Variants in TDO2 observed in about 807,000 individuals in gnomAD.
The protein encoded by TDO2 is tryptamin 2,3-dioxygenase.
A neutral mutation model predicts 61.2 loss-of-function variants in TDO2; 63 were observed. That is an observed-to-expected ratio of 1.03 (90% confidence interval 0.84 to 1.27). The LOEUF (loss-of-function observed/expected upper bound fraction) is 1.27, where lower values mean the gene tolerates loss of function less well. TDO2 is among the 50% of genes most tolerant of loss of function. The pLI is 0.00. For missense variants in TDO2, 494 were observed against 469.5 expected, an observed-to-expected ratio of 1.05 and a Z score of -0.48; for synonymous variants, 183 against 164.0, an observed-to-expected ratio of 1.12 and a Z score of -0.89.
At chr4:155,917,521 C>T in intron 10 of TDO2, 47 bp downstream of exon 10, 1 of 1,500,842 alleles carries the variant, frequency 6.7e-7, no homozygotes, top group South Asian at 1.2e-5. Flanking sequence ...CATGCTGTTC[C>T]TGTGCTCTTT....
intron 2 of TDO2, 125 bp downstream of exon 2, chr4:155,904,248 A>G: frequency 3.0e-6 from 2 of 668,776 alleles, no homozygotes; most frequent in South Asian, 2.1e-5. Context: ...GGACCTAAGG[A>G]TATTTTTATT....
intron 7 of TDO2, among the ~76,000 whole-genome samples, chr4:155,913,644 A>G (rs958738425): frequency 6.6e-6 from 1 of 152,156 alleles, no homozygotes; most frequent in Non-Finnish European, 1.5e-5. Context: ...TCATCTTAGC[A>G]TGACATGTAT....
chr4:155,917,673 C>T lies in TDO2; in HGVS notation c.976+199C>T, dbSNP rs183106750. ...TTCATATACACACTAGGCACAGTAC[C>T]TAAGGCCCACAATACTTTTGGGGGC... On this transcript the variant is annotated intron_variant, in intron 10 of 11. Transcript: ENST00000536354. Among the ~76,000 whole-genome samples, 911 of 152,174 alleles carry T rather than the reference C, an allele frequency of 6.0e-3. 7 individuals carry two copies. The highest frequency in any genetic ancestry group is 0.021 in the African/African-American group (879 of 41,510).
chr4:155,903,822 T>G, intron 1 of TDO2, 29 bp downstream of exon 1: 1 of 1,613,678 alleles, frequency 6.2e-7, no homozygotes, highest in Non-Finnish European at 8.5e-7. Context: ...TCTAAGTGGG[T>G]TTTGGCTTTT....
intron 3 of TDO2, chr4:155,906,363 T>C (rs962750066): frequency 6.6e-6 from 1 of 152,188 alleles, no homozygotes; most frequent in Non-Finnish European, 1.5e-5. Context: ...GATCAATAAA[T>C]GTTTGATTGT....
intron 7 of TDO2, 90 bp downstream of exon 7, chr4:155,911,694 CTCTT>C: frequency 1.2e-6 from 1 of 810,366 alleles, no homozygotes; most frequent in African/African-American, 1.8e-5. Context: ...TTAACCTTTT[CTCTT>C]TCTCATATTT....
chr4:155,917,933 G>A (rs1742972669), intron 10 of TDO2, among the ~76,000 whole-genome samples: 1 of 152,158 alleles, frequency 6.6e-6, no homozygotes, highest in African/African-American at 2.4e-5. Context: ...TAAATGCAGC[G>A]AAGGATGGAG....
At chr4:155,903,827 G>T (rs780104976) in intron 1 of TDO2, 34 bp downstream of exon 1, 1 of 1,612,128 alleles carries the variant, frequency 6.2e-7, no homozygotes, top group Non-Finnish European at 8.5e-7. Flanking sequence ...GTGGGTTTTG[G>T]CTTTTAGAAG....
At chr4:155,914,983 G>T (rs1193315085) in intron 8 of TDO2, among the ~76,000 whole-genome samples, 2 of 152,138 alleles carry the variant, frequency 1.3e-5, no homozygotes, top group African/African-American at 4.8e-5. Flanking sequence ...GGCTTGGAAT[G>T]TTCCTGCCCT....
intron 7 of TDO2, among the ~76,000 whole-genome samples, chr4:155,913,208 C>T (rs1176202770): frequency 2.6e-5 from 4 of 152,080 alleles, no homozygotes; most frequent in Admixed American, 6.6e-5. Flanking sequence ...AATCTGATCA[C>T]ATCTCCCTTT....
rs1450575905 is a variant in TDO2 at position 155,917,453 on chromosome 4, T to C, written c.955T>C (p.Ser319Pro). The C allele has an allele frequency of 6.2e-7, 1 of 1,611,498 alleles. No individual in the cohort carries two copies. The highest frequency in any genetic ancestry group is 8.5e-7 in the Non-Finnish European group (1 of 1,178,922). ...GCTGACTTCTCTTATGGACATAGAT[T>C]CACTGATGACCAAATGGAGATGTAA... ...QLLTSLMDID[S>P]LMTKWRYNHV... Residue 319 changes from serine to proline, a missense_variant, in exon 10 of 12, where the codon TCA becomes CCA. Coordinates refer to ENST00000536354, the MANE Select transcript of TDO2 (RefSeq NM_005651.4).
chr4:155,916,359 G>T (rs1742936597), intron 9 of TDO2, among the ~76,000 whole-genome samples: 1 of 117,454 alleles, frequency 8.5e-6, no homozygotes, highest in Admixed American at 9.6e-5. Flanking sequence ...TAGTAGAGAC[G>T]GGGTTTCACC....
chr4:155,903,711 T>A lies in TDO2; in HGVS notation c.-48T>A, dbSNP rs757567915. On this transcript the variant is annotated 5_prime_UTR_variant, in exon 1 of 12. Coordinates refer to ENST00000536354, the MANE Select transcript of TDO2 (RefSeq NM_005651.4). ...ACATCTGGGAAGGTCAATGATAGCA[T>A]CTGCCTAGAGTCAAACCTCCGTGCT... 9.3e-6 allele frequency: 15 copies of A among 1,612,290 alleles called. No individual in the cohort carries two copies. Among genetic ancestry groups the A allele is most frequent in the Non-Finnish European group, 1.3e-5 (15 of 1,178,498 alleles).
intron 9 of TDO2, among the ~76,000 whole-genome samples, chr4:155,916,929 T>C (rs13148802): frequency 0.025 from 3,763 of 151,362 alleles, 74 homozygotes; most frequent in Middle Eastern, 0.034. Context: ...GAAAATATGC[T>C]GAGAAAGGTG....
chr4:155,915,375 C>T (rs889894705), intron 8 of TDO2, among the ~76,000 whole-genome samples: 3 of 152,072 alleles, frequency 2.0e-5, no homozygotes, highest in Admixed American at 1.3e-4. Flanking sequence ...AATCTTGTTT[C>T]GCTGCAGCAG....
chr4:155,917,702 T>A (rs1399049), intron 10 of TDO2, among the ~76,000 whole-genome samples: 1 of 152,194 alleles, frequency 6.6e-6, no homozygotes, highest in Non-Finnish European at 1.5e-5. Context: ...TGGGGGCTCA[T>A]GAAAATGTTT....
chr4:155,917,993 CTCA>C (rs1742973964), intron 10 of TDO2, among the ~76,000 whole-genome samples, 153 bp from the exon 11 acceptor site: 1 of 152,160 alleles, frequency 6.6e-6, no homozygotes, highest in African/African-American at 2.4e-5. Context: ...ACCTCACAGT[CTCA>C]TCTGGCTCTC....
intron 11 of TDO2, 149 bp downstream of exon 11, chr4:155,918,388 A>G (rs1014727193): frequency 1.5e-6 from 1 of 653,196 alleles, no homozygotes; most frequent in Non-Finnish European, 2.6e-6. Flanking sequence ...TCCAGTTCAG[A>G]CTTTTGGTGG....
intron 11 of TDO2, chr4:155,918,859 AAAG>A (rs1421299312): frequency 6.6e-6 from 1 of 152,286 alleles, no homozygotes; most frequent in Non-Finnish European, 1.5e-5. Context: ...GTCCCTTGAA[AAAG>A]AAGAATCAAT....
Sources: gnomAD v4.1 joint callset for allele counts (sites outside exome capture counted in the v4.1 genomes callset) on GRCh38, gnomAD v4.1.1 for gene constraint, MANE v1.5 for transcripts, NCBI Gene and HGNC (gene_info 2026-07-23, HGNC 2026-07-21) for gene names.